STAU2: variants seen among roughly 807,000 people sequenced by gnomAD.
STAU2 encodes the protein staufen double-stranded RNA binding protein 2, also known as double-stranded RNA-binding protein Staufen homolog 2.
STAU2 carries 20 observed loss-of-function variants against 65.9 expected under a neutral mutation model. That is an observed-to-expected ratio of 0.30 (90% CI 0.21 to 0.44). The LOEUF (loss-of-function observed/expected upper bound fraction) is 0.44. Ranked by LOEUF, STAU2 falls within the 20% of genes least tolerant of loss-of-function variation. STAU2 has a pLI of 1.00. For missense variants in STAU2, 558 were observed against 683.9 expected, an observed-to-expected ratio of 0.82 and a Z score of 2.05; for synonymous variants, 232 against 233.9, an observed-to-expected ratio of 0.99 and a Z score of 0.07.
At chr8:73,625,116 G>C (rs1813539979) in intron 6 of STAU2, among the ~76,000 whole-genome samples, 1 of 152,094 alleles carries the variant, frequency 6.6e-6, no homozygotes, top group Admixed American at 6.5e-5. Flanking sequence ...ATTCTGGTGG[G>C]AATGTAAAAT....
rs114974839 is a variant in STAU2, at chr8:73,491,353, T to C, written c.1530+60659A>G. 8.8e-3 allele frequency among the ~76,000 whole-genome samples: 1,333 copies of C among 152,076 alleles called. 23 individuals are homozygous for C. The highest frequency in any genetic ancestry group is 0.031 in the African/African-American group (1,289 of 41,498). ...CAAAGATTTTGCTCTGTGGGGATCA[T>C]GTGAAGGCTAGCAGAGCAGTCACTC... On this transcript the variant is annotated intron_variant, in intron 13 of 14. Coordinates refer to ENST00000524300, the MANE Select transcript of STAU2 (RefSeq NM_001164380.2).
intron 6 of STAU2, among the ~76,000 whole-genome samples, chr8:73,657,518 C>T (rs1314788608): frequency 1.3e-5 from 2 of 152,124 alleles, no homozygotes; most frequent in Non-Finnish European, 2.9e-5. Flanking sequence ...TCATAACCTT[C>T]AACAGTTATA....
intron 6 of STAU2, among the ~76,000 whole-genome samples, chr8:73,631,951 T>C (rs1814122010): frequency 1.3e-5 from 2 of 151,402 alleles, no homozygotes. Flanking sequence ...GTTGCTCATT[T>C]TTATCTCAAT....
chr8:73,422,738 G>C, intron 13 of STAU2, 36 bp from the exon 14 acceptor site: 6 of 1,355,322 alleles, frequency 4.4e-6, no homozygotes, highest in Non-Finnish European at 5.8e-6. Flanking sequence ...GCCATTCACT[G>C]ACTCTAGTGT....
At chr8:73,588,974 A>T (rs1810577056) in intron 11 of STAU2, among the ~76,000 whole-genome samples, 1 of 152,184 alleles carries the variant, frequency 6.6e-6, no homozygotes, top group South Asian at 2.1e-4. Context: ...AGGATTAAAT[A>T]ATAAATAGCA....
intron 6 of STAU2, among the ~76,000 whole-genome samples, chr8:73,661,838 G>A (rs1207884267): frequency 6.6e-6 from 1 of 152,090 alleles, no homozygotes; most frequent in East Asian, 1.9e-4. Context: ...TTACCTAGTG[G>A]TAGATATTTG....
At chr8:73,556,890 G>C (rs1015720956) in intron 12 of STAU2, among the ~76,000 whole-genome samples, 5 of 152,100 alleles carry the variant, frequency 3.3e-5, no homozygotes, top group Admixed American at 6.6e-5. Flanking sequence ...TTAAACTGTA[G>C]ACATTATGTG....
intron 13 of STAU2, among the ~76,000 whole-genome samples, chr8:73,497,918 G>C (rs41331756): frequency 0.27 from 40,757 of 151,642 alleles, 6,605 homozygotes; most frequent in East Asian, 0.38. Flanking sequence ...TACAAAAGGT[G>C]TTTCTGCAAA....
chr8:73,711,996 G>C (rs116446808), intron 3 of STAU2, among the ~76,000 whole-genome samples: 2,220 of 152,220 alleles, frequency 0.015, 50 homozygotes, highest in African/African-American at 0.05. Context: ...AGAGAGCTCA[G>C]TAATACAGCA....
At chr8:73,665,352 G>A (rs1206063592) in intron 6 of STAU2, among the ~76,000 whole-genome samples, 3 of 152,126 alleles carry the variant, frequency 2.0e-5, no homozygotes, top group Admixed American at 6.5e-5. Context: ...TGAGAAAAGA[G>A]AAAAGAATAT....
chr8:73,644,760 T>G (rs1158253115), intron 6 of STAU2, among the ~76,000 whole-genome samples: 1 of 152,128 alleles, frequency 6.6e-6, no homozygotes, highest in Non-Finnish European at 1.5e-5. Context: ...AATCAGGGAT[T>G]ATCACTAGAG....
chr8:73,711,244 C>T (rs1820882922), intron 3 of STAU2, among the ~76,000 whole-genome samples: 1 of 151,086 alleles, frequency 6.6e-6, no homozygotes, highest in African/African-American at 2.4e-5. Context: ...TATTCCATTG[C>T]ATGTCACACA....
intron 13 of STAU2, among the ~76,000 whole-genome samples, chr8:73,435,338 C>T (rs991023711): frequency 1.3e-5 from 2 of 151,884 alleles, no homozygotes; most frequent in Admixed American, 1.3e-4. Context: ...TCTTTGAAAT[C>T]TCCACAGTGT....
intron 13 of STAU2, among the ~76,000 whole-genome samples, chr8:73,484,869 G>A (rs1286122817): frequency 6.6e-6 from 1 of 152,074 alleles, no homozygotes; most frequent in Non-Finnish European, 1.5e-5. Flanking sequence ...ATAAAATAAG[G>A]ATTGACAACT....
chr8:73,548,253 T>TAAAAAAA (rs761335258), intron 13 of STAU2, among the ~76,000 whole-genome samples: 1 of 130,732 alleles, frequency 7.6e-6, no homozygotes, highest in Non-Finnish European at 1.7e-5. Flanking sequence ...TACCTTATTC[T>TAAAAAAA]AAAAAAAAAA....
rs556218806 is a variant in STAU2, at chr8:73,681,507, A to T, written c.274+7147T>A. On this transcript the variant is annotated intron_variant, in intron 5 of 14. Coordinates refer to ENST00000524300, the MANE Select transcript of STAU2 (RefSeq NM_001164380.2). ...ACAAAGCCTCAGAATACACCAAAAC[A>T]GAACCTCCTTAAAGCATAAATCTCA... 1.8e-4 allele frequency among the ~76,000 whole-genome samples: 28 copies of T among 152,340 alleles called. No homozygotes were observed. In the South Asian group the frequency reaches 5.4e-3, roughly 29 times the overall value.
At chr8:73,432,116 G>A (rs867078380) in intron 13 of STAU2, among the ~76,000 whole-genome samples, 1 of 151,590 alleles carries the variant, frequency 6.6e-6, no homozygotes, top group Non-Finnish European at 1.5e-5. Context: ...CATTAAAGTC[G>A]ATGGTAACAA....
At position 73,485,448 on chromosome 8, in the gene STAU2, G is replaced by A. The variant is rs554674448; in HGVS notation, c.1531-62746C>T. On this transcript the variant is annotated intron_variant, in intron 13 of 14. Transcript: ENST00000524300. ...CAATCCAATTACCAAGTGGCCTCGT[G>A]AGAAAAGTGCCAAGTGCAAGTAGGA... Among the ~76,000 whole-genome samples the A allele has an allele frequency of 1.1e-4, 16 of 152,138 alleles. No homozygotes were observed. In the East Asian group the frequency reaches 2.9e-3, roughly 28 times the overall value.
At chr8:73,643,882 C>G (rs1400866296) in intron 6 of STAU2, among the ~76,000 whole-genome samples, 1 of 152,124 alleles carries the variant, frequency 6.6e-6, no homozygotes, top group East Asian at 1.9e-4. Context: ...GAAGTGAAAG[C>G]ATAGTATATA....
Sources: gnomAD v4.1 joint callset for allele counts (sites outside exome capture counted in the v4.1 genomes callset) on GRCh38, gnomAD v4.1.1 for gene constraint, MANE v1.5 for transcripts, NCBI Gene and HGNC (gene_info 2026-07-23, HGNC 2026-07-21) for gene names.